The following SH2D3C variants were observed in gnomAD, a reference collection of about 807,000 sequenced individuals.
SH2D3C encodes the protein SH2 domain containing 3C.
A neutral mutation model predicts 75.2 loss-of-function variants in SH2D3C; 25 were observed. The observed-to-expected ratio is 0.33, with a 90% confidence interval of 0.24 to 0.46. The LOEUF (loss-of-function observed/expected upper bound fraction) is 0.46. Among genes scored for constraint, SH2D3C ranks in the 20% least tolerant of loss-of-function variants. The pLI is 1.00. For missense variants in SH2D3C, 933 were observed against 1,165.3 expected (o/e 0.80, Z 2.90); for synonymous variants, 450 against 473.7 (o/e 0.95, Z 0.65).
At chr9:127,767,735 A>G (rs1031907088) in intron 2 of SH2D3C, among the ~76,000 whole-genome samples, 1 of 152,148 alleles carries the variant, frequency 6.6e-6, no homozygotes, top group African/African-American at 2.4e-5. Context: ...GCCCAGAATA[A>G]ATGCTCCACC....
chr9:127,748,913 G>C (rs1385871747), intron 5 of SH2D3C, among the ~76,000 whole-genome samples: 1 of 152,188 alleles, frequency 6.6e-6, no homozygotes, highest in Non-Finnish European at 1.5e-5. Flanking sequence ...GGTAGGGAGG[G>C]CTGCTTGAAT....
chr9:127,740,265 C>A lies in SH2D3C; in HGVS notation c.2193G>T (p.Glu731Asp). 1 of 1,613,852 alleles carries A rather than the reference C, an allele frequency of 6.2e-7. No homozygotes were observed. The highest frequency in any genetic ancestry group is 1.1e-5 in the South Asian group (1 of 91,084). The stretch of plus-strand genomic sequence containing the variant: ...CACGCAACAAGGAAGTACCTTTGCC[C>A]TCGTTGAGGCTCTTGAGAAAAGGCT... The part of the protein sequence containing the change: ...KLKPFLKSLN[E>D]GKEGPPLSNT... Residue 731 changes from glutamate (E) to aspartate (D), a missense_variant, in exon 10 of 12, where the codon GAG becomes GAT. Physicochemically the swap from Glu to Asp is conservative, Grantham distance 45. Coordinates refer to ENST00000314830, the MANE Select transcript of SH2D3C (RefSeq NM_170600.3).
At position 127,774,255 on chromosome 9, in the gene SH2D3C, T is replaced by G. The variant is rs551544668; in HGVS notation, c.250A>C (p.Ser84Arg). Reference protein sequence around the residue: ...YSHMGTMPRPSIKKAQNSQAA... With the variant: ...YSHMGTMPRPRIKKAQNSQAA... The stretch of plus-strand genomic sequence containing the variant: ...TGTGAGTTCTGTGCTTTCTTGATGC[T>G]GGGGCGAGGCATGGTGCCCATGTGG... Residue 84 changes from serine to arginine, a missense_variant, in exon 2 of 12, where the codon AGC (serine) becomes CGC (arginine). Physicochemically the swap from Ser to Arg is moderately radical, Grantham distance 110. Coordinates refer to ENST00000314830, the MANE Select transcript of SH2D3C (RefSeq NM_170600.3). This position sits in a 1 kb window ranked among gnomAD's most constrained non-coding sequence, Gnocchi z 4.3. 3.0e-5 allele frequency: 48 copies of G among 1,614,042 alleles called. 1 individual carries two copies. The South Asian group carries it at 5.3e-4, about 18-fold the overall frequency.
At chr9:127,767,211 T>C in intron 2 of SH2D3C, 1 of 1,525,212 alleles carries the variant, frequency 6.6e-7, no homozygotes, top group Non-Finnish European at 8.8e-7. Flanking sequence ...GCAGGGGCCA[T>C]TCTTCCCAGA....
intron 7 of SH2D3C, among the ~76,000 whole-genome samples, chr9:127,743,354 T>C (rs1475132651): frequency 6.6e-6 from 1 of 152,036 alleles, no homozygotes; most frequent in Non-Finnish European, 1.5e-5. Context: ...AATTCAAAAA[T>C]CAGCCGGGTA....
chr9:127,776,871 G>T (rs1042857730), intron 1 of SH2D3C, among the ~76,000 whole-genome samples: 29 of 152,218 alleles, frequency 1.9e-4, no homozygotes, highest in Non-Finnish European at 4.4e-5. Flanking sequence ...CCTGAGAAAC[G>T]TGTCGGCAAA....
chr9:127,767,223 C>T (rs933292760), intron 2 of SH2D3C: 18 of 1,508,096 alleles, frequency 1.2e-5, no homozygotes, highest in Admixed American at 4.2e-5. Context: ...CTTCCCAGAG[C>T]GGAGCTGAGG....
chr9:127,747,195 G>T lies in SH2D3C; in HGVS notation c.1216C>A (p.Pro406Thr). 6.2e-7 allele frequency: 1 copy of T among 1,614,048 alleles called. No individual in the cohort carries two copies. Among genetic ancestry groups the T allele is most frequent in the East Asian group, 2.2e-5 (1 of 44,890 alleles). ...SMDQIPDLHS[P>T]MSPISESPSS... Reference sequence around the variant, plus strand: ...GGGCTCTCGGAGATGGGCGACATGGGTGAGTGCAGGTCTGGGATCTGGTCC... The same window carrying T: ...GGGCTCTCGGAGATGGGCGACATGGTTGAGTGCAGGTCTGGGATCTGGTCC... The change falls in exon 6 of 12, where the codon CCC becomes ACC. Residue 406 changes from proline (P) to threonine (T), a missense_variant. Pro to Thr is a conservative substitution (Grantham distance 38). Transcript: ENST00000314830.
At chr9:127,769,969 C>T (rs1361236769) in intron 2 of SH2D3C, among the ~76,000 whole-genome samples, 3 of 152,182 alleles carry the variant, frequency 2.0e-5, no homozygotes, top group Non-Finnish European at 2.9e-5. Context: ...GTGGGACCCT[C>T]GCCTGACAAT....
chr9:127,764,219 C>A (rs944057241), intron 2 of SH2D3C, among the ~76,000 whole-genome samples: 1 of 152,164 alleles, frequency 6.6e-6, no homozygotes, highest in Non-Finnish European at 1.5e-5. Flanking sequence ...GTGCTCAGGG[C>A]AGAGGACCAG....
chr9:127,769,090 T>C (rs2131805344), intron 2 of SH2D3C, among the ~76,000 whole-genome samples: 1 of 152,316 alleles, frequency 6.6e-6, no homozygotes, highest in East Asian at 1.9e-4. Context: ...ATTTATCTTG[T>C]CTATCTTCTG....
intron 3 of SH2D3C, chr9:127,755,082 C>T: frequency 1.7e-6 from 2 of 1,207,178 alleles, no homozygotes; most frequent in East Asian, 3.5e-5. Context: ...CCCTCACCTG[C>T]ACCTGCACGA....
intron 2 of SH2D3C, among the ~76,000 whole-genome samples, chr9:127,769,247 G>C (rs1845689152): frequency 6.6e-6 from 1 of 152,108 alleles, no homozygotes; most frequent in Non-Finnish European, 1.5e-5. Context: ...TCAACTAACT[G>C]CATCAACTCA....
chr9:127,756,468 T>C (rs1845381999), intron 3 of SH2D3C, among the ~76,000 whole-genome samples: 1 of 151,884 alleles, frequency 6.6e-6, no homozygotes, highest in African/African-American at 2.4e-5. Context: ...CCTCAGTTGT[T>C]TGTTTGTTTT....
intron 2 of SH2D3C, among the ~76,000 whole-genome samples, chr9:127,762,807 C>G (rs1272115745): frequency 6.6e-6 from 1 of 152,218 alleles, no homozygotes; most frequent in East Asian, 1.9e-4. Flanking sequence ...TTCAGCGGCT[C>G]CCATCTCTAG....
At position 127,751,199 on chromosome 9, in the gene SH2D3C, G is replaced by C; in HGVS notation, c.657C>G (p.Ala219=). 1 of 1,614,072 alleles carries C rather than the reference G, an allele frequency of 6.2e-7. No individual in the cohort carries two copies. The highest frequency in any genetic ancestry group is 8.5e-7 in the Non-Finnish European group (1 of 1,179,950). The change falls in exon 4 of 12, where the codon GCC becomes GCG. Residue 219 remains alanine, a synonymous_variant. Transcript: ENST00000314830. The surrounding 1 kb of genome is among the most constrained non-coding windows in gnomAD (Gnocchi z 4.1). ...KLSSTDLRSH[A]WYHGRIPREV... Reference sequence around the variant, plus strand: ...CTCGGGGGATGCGGCCATGGTACCAGGCATGGCTGCGGAGATCCGTGCTGC... The same window carrying C: ...CTCGGGGGATGCGGCCATGGTACCACGCATGGCTGCGGAGATCCGTGCTGC...
Position 127,749,318 on chromosome 9 carries a change from G to A in SH2D3C, c.1032C>T (p.Pro344=), listed in dbSNP as rs761308154. ...TGCCCTTGGGGCCTGAGGGGCTGAC[G>A]GGGCTAGCAGGCTTGCTACTCCCCT... ...LGQGSSKPAS[P]VSPSGPKGSH... The change falls in exon 5 of 12, where the codon CCC becomes CCT. Residue 344 remains proline, a synonymous_variant. Transcript: ENST00000314830. This position sits in a 1 kb window ranked among gnomAD's most constrained non-coding sequence, Gnocchi z 5.9. The A allele has an allele frequency of 1.4e-5, 22 of 1,611,796 alleles. No homozygotes were observed. Among genetic ancestry groups the A allele is most frequent in the Admixed American group, 1.3e-4 (8 of 59,992 alleles).
rs1404538904 is a variant in SH2D3C at position 127,749,933 on chromosome 9, G to T, written c.685-268C>A. Among the ~76,000 whole-genome samples, 1 of 152,078 alleles carries T rather than the reference G, an allele frequency of 6.6e-6. No individual in the cohort carries two copies. The highest frequency in any genetic ancestry group is 1.9e-4 in the East Asian group (1 of 5,182). ...ACACCTTGGAATGGGAGGCACAGAGGCCCAGGGTCTGGAGGAGTGAGAATG... is the reference window on the plus strand; with the variant it reads ...ACACCTTGGAATGGGAGGCACAGAGTCCCAGGGTCTGGAGGAGTGAGAATG... On this transcript the variant is annotated intron_variant, in intron 4 of 11. Coordinates refer to ENST00000314830, the MANE Select transcript of SH2D3C (RefSeq NM_170600.3). The surrounding 1 kb of genome is among the most constrained non-coding windows in gnomAD (Gnocchi z 5.9).
In SH2D3C at chr9:127,774,650, G is replaced by C. The variant is rs79456747; in HGVS notation, c.38-183C>G. 6.6e-6 allele frequency among the ~76,000 whole-genome samples: 1 copy of C among 152,060 alleles called. No homozygotes were observed. Among genetic ancestry groups the C allele is most frequent in the Admixed American group, 6.5e-5 (1 of 15,268 alleles). ...TATAAGATGGGAGCTTTGGAGTCAC[G>C]GGGCCCTGGACTTGAATTCCTGCTC... On this transcript the variant is annotated intron_variant, in intron 1 of 11. Transcript: ENST00000314830. This position sits in a 1 kb window ranked among gnomAD's most constrained non-coding sequence, Gnocchi z 4.3.
Sources: allele counts gnomAD v4.1 joint callset (sites outside exome capture counted in the v4.1 genomes callset), GRCh38; gene constraint gnomAD v4.1.1; non-coding constraint Gnocchi (gnomAD v3.1); transcripts MANE v1.5; gene names NCBI Gene and HGNC (gene_info 2026-07-23, HGNC 2026-07-21).